The following ARHGAP21 variants were observed in gnomAD, a reference collection of about 807,000 sequenced individuals.
ARHGAP21 encodes the protein Rho GTPase activating protein 21, also known as rho GTPase-activating protein 21.
ARHGAP21 carries 38 observed loss-of-function variants against 164.6 expected under a neutral mutation model. The observed-to-expected ratio is 0.23, with a 90% CI of 0.18 to 0.30. ARHGAP21 has a LOEUF of 0.30. ARHGAP21 is among the 10% of genes least tolerant of loss of function. The pLI, the probability that ARHGAP21 is intolerant of heterozygous loss-of-function variation, is 1.00. For missense variants in ARHGAP21, 1,822 were observed against 2,370.7 expected (o/e 0.77, Z 4.81); for synonymous variants, 766 against 857.9 (o/e 0.89, Z 1.87).
Position 24,705,603 on chromosome 10 carries a change from T to G in ARHGAP21, c.63+16234A>C, listed in dbSNP as rs543499748. 1.4e-4 allele frequency among the ~76,000 whole-genome samples: 22 copies of G among 152,346 alleles called. No individual in the cohort carries two copies. In the South Asian group the frequency reaches 4.1e-3, roughly 29 times the overall value. ...CAGTTATGGAAGAACTGAGAAATGG[T>G]TGGGGCTGGGGCAAGCATGGTCAGT... On this transcript the variant is annotated intron_variant, in intron 2 of 25. Coordinates refer to ENST00000396432, the MANE Select transcript of ARHGAP21 (RefSeq NM_020824.4).
chr10:24,600,027 G>A (rs1160072356), intron 14 of ARHGAP21, among the ~76,000 whole-genome samples: 1 of 148,996 alleles, frequency 6.7e-6, no homozygotes, highest in Admixed American at 6.9e-5. Flanking sequence ...CAGCTACAGG[G>A]GAAGCTAAGG....
At chr10:24,685,165 A>G (rs913128974) in intron 2 of ARHGAP21, among the ~76,000 whole-genome samples, 5 of 152,154 alleles carry the variant, frequency 3.3e-5, no homozygotes, top group Non-Finnish European at 5.9e-5. Context: ...TAAATATTCA[A>G]ATTTGTTTGT....
In ARHGAP21 at chr10:24,596,571, T is replaced by C. The variant is rs561642058; in HGVS notation, c.3477+169A>G. The C allele has an allele frequency of 3.1e-5, 26 of 826,276 alleles. No homozygotes were observed. In the African/African-American group the frequency reaches 3.9e-4, roughly 13 times the overall value. The allele number at this position is 826,276 out of a possible 1,614,324, so 51.2% of individuals were successfully genotyped here. A position where few individuals can be genotyped will look rare whatever the true frequency, so the allele number is the denominator to read the frequency against. On this transcript the variant is annotated intron_variant, in intron 17 of 25. Coordinates refer to ENST00000396432, the MANE Select transcript of ARHGAP21 (RefSeq NM_020824.4). ...ATTATTCAATTTCGGAGTCAATACATTAGAAAAAAAGCATTACAGGTCAGA... is the reference window on the plus strand; with the variant it reads ...ATTATTCAATTTCGGAGTCAATACACTAGAAAAAAAGCATTACAGGTCAGA...
Position 24,666,042 on chromosome 10 carries a change from T to G in ARHGAP21, c.268+943A>C, listed in dbSNP as rs143663475. ...TGTAAGTTTGTTTTGTTTTGTTTTG[T>G]TTTTTGAGACGGAGTCTCGCCCTGT... On this transcript the variant is annotated intron_variant, in intron 4 of 25. Coordinates refer to ENST00000396432, the MANE Select transcript of ARHGAP21 (RefSeq NM_020824.4). 3.1e-3 allele frequency among the ~76,000 whole-genome samples: 471 copies of G among 152,310 alleles called. 2 individuals carry two copies. Among genetic ancestry groups the G allele is most frequent in the Admixed American group, 0.013 (196 of 15,300 alleles).
At chr10:24,704,496 C>T (rs1844033153) in intron 2 of ARHGAP21, among the ~76,000 whole-genome samples, 2 of 149,584 alleles carry the variant, frequency 1.3e-5, no homozygotes, top group Admixed American at 6.7e-5. Flanking sequence ...GACAGAGTCT[C>T]GCTCCACTGC....
intron 2 of ARHGAP21, among the ~76,000 whole-genome samples, chr10:24,712,951 T>G (rs998746461): frequency 1.3e-5 from 2 of 151,606 alleles, no homozygotes; most frequent in African/African-American, 4.9e-5. Flanking sequence ...AGGCAAATAC[T>G]GGGTATTACA....
intron 7 of ARHGAP21, among the ~76,000 whole-genome samples, chr10:24,623,681 T>A (rs141646051): frequency 6.6e-6 from 1 of 152,230 alleles, no homozygotes; most frequent in African/African-American, 2.4e-5. Context: ...AGTTTTATTA[T>A]ATACCACCTG....
intron 8 of ARHGAP21, among the ~76,000 whole-genome samples, chr10:24,622,136 CTAAA>C (rs1173382523): frequency 1.3e-5 from 2 of 151,904 alleles, no homozygotes; most frequent in African/African-American, 2.4e-5. Context: ...GGCATGCAGC[CTAAA>C]TAGTTTTTTA....
intron 2 of ARHGAP21, among the ~76,000 whole-genome samples, chr10:24,709,142 C>A (rs552106884): frequency 4.2e-4 from 64 of 152,278 alleles, no homozygotes; most frequent in Non-Finnish European, 6.3e-4. Flanking sequence ...ATTATGCTCA[C>A]AAACTAGAAA....
intron 2 of ARHGAP21, among the ~76,000 whole-genome samples, chr10:24,683,748 T>C (rs926789257): frequency 6.6e-6 from 1 of 152,162 alleles, no homozygotes; most frequent in African/African-American, 2.4e-5. Context: ...CCTCTCAACC[T>C]AGAAGGGCAC....
intron 7 of ARHGAP21, chr10:24,628,983 T>TATATATATACATATATA (rs58780222): frequency 8.9e-5 from 1 of 11,200 alleles, no homozygotes; most frequent in East Asian, 3.1e-3. Flanking sequence ...TATATATATA[T>TATATATATACATATATA]TTTTTTTTTT....
chr10:24,622,344 T>C (rs2131208344), intron 8 of ARHGAP21, among the ~76,000 whole-genome samples: 1 of 150,646 alleles, frequency 6.6e-6, no homozygotes, highest in South Asian at 2.1e-4. Context: ...ATCCTGCTCT[T>C]TGCATTCGAC....
chr10:24,642,439 T>C (rs997078883), intron 4 of ARHGAP21, among the ~76,000 whole-genome samples: 7 of 137,574 alleles, frequency 5.1e-5, no homozygotes, highest in East Asian at 4.3e-4. Context: ...GGCGTGAACC[T>C]GGGAGGCGGA....
intron 2 of ARHGAP21, among the ~76,000 whole-genome samples, chr10:24,688,424 T>C (rs1379176178): frequency 6.6e-6 from 1 of 152,096 alleles, no homozygotes; most frequent in Non-Finnish European, 1.5e-5. Context: ...TTATTCACCA[T>C]TTTATAGAAC....
At chr10:24,692,581 C>T (rs1247548641) in intron 2 of ARHGAP21, among the ~76,000 whole-genome samples, 1 of 152,124 alleles carries the variant, frequency 6.6e-6, no homozygotes, top group Non-Finnish European at 1.5e-5. Flanking sequence ...CATATAATCC[C>T]GGCACTTTGG....
At position 24,721,922 on chromosome 10, in the gene ARHGAP21, G is replaced by T; in HGVS notation, c.-23C>A. ...CATTTCATTTCAAATGACAAAGAAGGGACAAATCCTTTGGAGTCCACATTG... is the reference window on the plus strand; with the variant it reads ...CATTTCATTTCAAATGACAAAGAAGTGACAAATCCTTTGGAGTCCACATTG... On this transcript the variant is annotated 5_prime_UTR_variant, in exon 2 of 26. Transcript: ENST00000396432. 6.2e-7 allele frequency: 1 copy of T among 1,613,608 alleles called. No individual in the cohort carries two copies. The highest frequency in any genetic ancestry group is 8.5e-7 in the Non-Finnish European group (1 of 1,179,718).
At chr10:24,608,487 GCCA>G (rs2077125804) in intron 9 of ARHGAP21, among the ~76,000 whole-genome samples, 1 of 152,030 alleles carries the variant, frequency 6.6e-6, no homozygotes, top group Admixed American at 6.6e-5. Flanking sequence ...AATACTTGAG[GCCA>G]AGAAATGTAA....
intron 4 of ARHGAP21, among the ~76,000 whole-genome samples, chr10:24,637,830 C>CAG (rs1836536815): frequency 6.6e-6 from 1 of 151,736 alleles, no homozygotes; most frequent in Non-Finnish European, 1.5e-5. Flanking sequence ...AGCACTGTTA[C>CAG]ATCTGCTGAG....
At chr10:24,719,433 G>A (rs1648179356) in intron 2 of ARHGAP21, among the ~76,000 whole-genome samples, 1 of 152,130 alleles carries the variant, frequency 6.6e-6, no homozygotes, top group African/African-American at 2.4e-5. Context: ...AAAGCACAAG[G>A]CCTTATTCAG....
Sources: allele counts gnomAD v4.1 joint callset (sites outside exome capture counted in the v4.1 genomes callset), GRCh38; gene constraint gnomAD v4.1.1; transcripts MANE v1.5; gene names NCBI Gene and HGNC (gene_info 2026-07-23, HGNC 2026-07-21).